Variants in TMEM120B observed in about 807,000 individuals in gnomAD.
TMEM120B encodes transmembrane protein 120B.
A neutral mutation model predicts 55.5 loss-of-function variants in TMEM120B; 31 were observed. The ratio of observed to expected loss-of-function variants is 0.56; its 90% CI spans 0.42 to 0.75. TMEM120B has a LOEUF of 0.75. Ranked by LOEUF, TMEM120B falls within the 30% of genes least tolerant of loss-of-function variation. TMEM120B has a pLI of 0.00. For synonymous variants in TMEM120B, 203 were observed against 176.3 expected (o/e 1.15, Z -1.20); for missense variants, 399 against 425.5 (o/e 0.94, Z 0.55).
At chr12:121,771,427 G>A (rs12299238) in intron 7 of TMEM120B, 61 bp from the exon 8 acceptor site, 228,540 of 1,411,150 alleles carry the variant, frequency 0.16, 20,035 homozygotes, top group African/African-American at 0.19. Context: ...GAGTTGGGGC[G>A]GGGAGGAATG....
At chr12:121,750,657 A>C (rs1873255797) in intron 4 of TMEM120B, among the ~76,000 whole-genome samples, 2 of 115,726 alleles carry the variant, frequency 1.7e-5, no homozygotes, top group African/African-American at 3.5e-5. Flanking sequence ...ACCCACACCC[A>C]CACCCACACC....
In TMEM120B at chr12:121,775,154, G is replaced by A. The variant is rs779797805; in HGVS notation, c.906+24G>A. 24 of 1,543,412 alleles carry A rather than the reference G, an allele frequency of 1.6e-5. No homozygotes were observed. Among genetic ancestry groups the A allele is most frequent in the Admixed American group, 6.7e-5 (4 of 59,316 alleles). The stretch of plus-strand genomic sequence containing the variant: ...AGGTATGGGGGGTGGGGGCATGCTC[G>A]GGGGAGGTTCCCGGGAGGGCTGGGG... On this transcript the variant is annotated intron_variant, in intron 11 of 11. Transcript: ENST00000449592. The surrounding 1 kb of genome is among the most constrained non-coding windows in gnomAD (Gnocchi z 4.3).
intron 1 of TMEM120B, among the ~76,000 whole-genome samples, chr12:121,714,557 C>CTTTTT (rs897759057): frequency 1.8e-4 from 18 of 100,220 alleles, no homozygotes; most frequent in African/African-American, 2.8e-4. Context: ...TCAGCCACTT[C>CTTTTT]TTTTTTTTTT....
At chr12:121,735,452 G>A (rs1895090212) in intron 1 of TMEM120B, among the ~76,000 whole-genome samples, 1 of 151,076 alleles carries the variant, frequency 6.6e-6, no homozygotes, top group Admixed American at 6.6e-5. Context: ...AGGCTGGAGT[G>A]CAGTGGCACG....
rs749414971 is a variant in TMEM120B at position 121,761,644 on chromosome 12, C to T, written c.462-5C>T. 1.2e-6 allele frequency: 2 copies of T among 1,613,082 alleles called. No individual in the cohort carries two copies. The highest frequency in any genetic ancestry group is 1.1e-5 in the South Asian group (1 of 91,056). On this transcript the variant is annotated splice_polypyrimidine_tract_variant and splice_region_variant and intron_variant, in intron 5 of 11. Coordinates refer to ENST00000449592, the MANE Select transcript of TMEM120B (RefSeq NM_001080825.2). ...ACCCCTCCCGGGGGCTGTTTCCTTGCACAGGGTGACTGACGAAGTCTTCAA... is the reference window on the plus strand; with the variant it reads ...ACCCCTCCCGGGGGCTGTTTCCTTGTACAGGGTGACTGACGAAGTCTTCAA...
In TMEM120B at chr12:121,771,568, G is replaced by A; in HGVS notation, c.679+19G>A. ...TTTCAGAGTGAGTGACTGTTGCCTG[G>A]ATTTGGGGGAAGGGACATGGTTTTC... is the stretch of plus-strand genomic sequence containing the variant. On this transcript the variant is annotated intron_variant, in intron 8 of 11. Coordinates refer to ENST00000449592, the MANE Select transcript of TMEM120B (RefSeq NM_001080825.2). 1 of 1,612,322 alleles carries A rather than the reference G, an allele frequency of 6.2e-7. No individual in the cohort carries two copies. The highest frequency in any genetic ancestry group is 8.5e-7 in the Non-Finnish European group (1 of 1,178,352).
chr12:121,769,906 A>T (rs981213334), intron 6 of TMEM120B, among the ~76,000 whole-genome samples: 9 of 152,162 alleles, frequency 5.9e-5, no homozygotes, highest in Non-Finnish European at 8.8e-5. Context: ...ACAGTGATCC[A>T]TGCCATGAAG....
At chr12:121,764,305 G>A (rs146591370) in intron 6 of TMEM120B, among the ~76,000 whole-genome samples, 93 of 152,116 alleles carry the variant, frequency 6.1e-4, no homozygotes, top group African/African-American at 2.2e-3. Flanking sequence ...TGGATCACCT[G>A]AGGTCAGGAG....
intron 5 of TMEM120B, among the ~76,000 whole-genome samples, chr12:121,756,610 A>AC (rs1312667797): frequency 5.3e-5 from 8 of 151,094 alleles, no homozygotes; most frequent in South Asian, 4.2e-4. Context: ...AAGGGAGGGA[A>AC]CCCCCCCGAA....
intron 8 of TMEM120B, among the ~76,000 whole-genome samples, chr12:121,772,233 ATTC>A (rs1396875617): frequency 6.7e-6 from 1 of 148,954 alleles, no homozygotes; most frequent in Non-Finnish European, 1.5e-5. Flanking sequence ...GGTTCAAACG[ATTC>A]TTCTGCCTCA....
At chr12:121,768,815 G>A (rs191194305) in intron 6 of TMEM120B, among the ~76,000 whole-genome samples, 1 of 152,108 alleles carries the variant, frequency 6.6e-6, no homozygotes, top group African/African-American at 2.4e-5. Context: ...CTGGGGGTGG[G>A]GGGTGACAAC....
In TMEM120B at chr12:121,780,466, T is replaced by C. The variant is rs955741525; in HGVS notation, c.*4744T>C. On this transcript the variant is annotated 3_prime_UTR_variant, in exon 12 of 12. Transcript: ENST00000449592. ...CTCACCCAAAGAGTTGCACGGTCAA[T>C]TGGCCCGTGAAGGGGACGCCTACTT... 5.3e-5 allele frequency: 17 copies of C among 321,878 alleles called. No homozygotes were observed. The highest frequency in any genetic ancestry group is 3.9e-4 in the South Asian group (4 of 10,322). The allele number at this position is 321,878 out of a possible 1,614,324, so 19.9% of individuals were successfully genotyped here.
At chr12:121,725,942 C>G (rs1894880297) in intron 1 of TMEM120B, among the ~76,000 whole-genome samples, 1 of 149,152 alleles carries the variant, frequency 6.7e-6, no homozygotes, top group African/African-American at 2.5e-5. Context: ...GAGGCTGAGG[C>G]AGGAGAATGG....
chr12:121,743,344 T>TCACAAGGCAGG (rs2137127419), intron 1 of TMEM120B, among the ~76,000 whole-genome samples: 1 of 150,138 alleles, frequency 6.7e-6, no homozygotes, highest in African/African-American at 2.5e-5. Context: ...AGGCCAGGAG[T>TCACAAGGCAGG]TCGAGACCAG....
chr12:121,737,146 G>A (rs972502708), intron 1 of TMEM120B, among the ~76,000 whole-genome samples: 2 of 152,106 alleles, frequency 1.3e-5, no homozygotes, highest in Non-Finnish European at 2.9e-5. Context: ...TAGATTTAAG[G>A]AGAGAGAACA....
At chr12:121,762,955 A>G (rs1217221142) in intron 6 of TMEM120B, among the ~76,000 whole-genome samples, 3 of 152,042 alleles carry the variant, frequency 2.0e-5, no homozygotes, top group Non-Finnish European at 4.4e-5. Flanking sequence ...AGTCCAGGCA[A>G]GACTGGGGGT....
intron 8 of TMEM120B, 105 bp downstream of exon 8, chr12:121,771,654 G>C (rs1874057125): frequency 4.9e-6 from 6 of 1,217,176 alleles, no homozygotes; most frequent in Non-Finnish European, 7.3e-6. Flanking sequence ...TGTGTGGCAG[G>C]GAGACCAGAC....
Position 121,781,505 on chromosome 12 carries a change from T to C in TMEM120B, c.*5783T>C. 1 of 321,648 alleles carries C rather than the reference T, an allele frequency of 3.1e-6. No homozygotes were observed. The highest frequency in any genetic ancestry group is 4.6e-5 in the Admixed American group (1 of 21,856). 19.9% of individuals were successfully genotyped at this position (321,648 alleles called of 1,614,324 possible). On this transcript the variant is annotated 3_prime_UTR_variant, in exon 12 of 12. Coordinates refer to ENST00000449592, the MANE Select transcript of TMEM120B (RefSeq NM_001080825.2). ...AAACCCATGAGCGGCAGCCCCCCAG[T>C]CCTGGATGGTGGTAAAGAATCCTCA... is the stretch of plus-strand genomic sequence containing the variant.
chr12:121,738,881 C>T (rs956581247), intron 1 of TMEM120B, among the ~76,000 whole-genome samples: 2 of 152,036 alleles, frequency 1.3e-5, no homozygotes, highest in African/African-American at 4.8e-5. Context: ...ACAACTGGAC[C>T]GAACTCTTTA....
Sources: allele counts gnomAD v4.1 joint callset (sites outside exome capture counted in the v4.1 genomes callset), GRCh38; gene constraint gnomAD v4.1.1; non-coding constraint Gnocchi (gnomAD v3.1); transcripts MANE v1.5; gene names NCBI Gene and HGNC (gene_info 2026-07-23, HGNC 2026-07-21).